Variants in LVRN observed in about 807,000 individuals in gnomAD.
The protein encoded by LVRN is aminopeptidase Q.
A neutral mutation model predicts 111.4 loss-of-function variants in LVRN; 99 were observed. The ratio of observed to expected loss-of-function variants is 0.89; its 90% CI spans 0.76 to 1.05. The LOEUF (loss-of-function observed/expected upper bound fraction) is 1.05, where lower values mean the gene tolerates loss of function less well. LVRN is among the 50% of genes least tolerant of loss of function. The probability of loss-of-function intolerance (pLI) is 0.00; values close to 1 mark genes in which losing one functional copy is unlikely to be tolerated. For synonymous variants in LVRN, 488 were observed against 449.5 expected (o/e 1.09, Z -1.08); for missense variants, 1,414 against 1,206.8 (o/e 1.17, Z -2.54).
chr5:115,986,545 A>C (rs1248830008), intron 3 of LVRN, among the ~76,000 whole-genome samples: 1 of 152,210 alleles, frequency 6.6e-6, no homozygotes. Context: ...GTTTGGCATG[A>C]GTCTATCAGT....
intron 1 of LVRN, among the ~76,000 whole-genome samples, chr5:115,964,205 C>T (rs764973728): frequency 1.3e-5 from 2 of 152,196 alleles, no homozygotes; most frequent in Non-Finnish European, 2.9e-5. Flanking sequence ...TCTTTGTCCA[C>T]TCACACACTG....
chr5:116,014,016 A>G (rs1748544872), intron 15 of LVRN, among the ~76,000 whole-genome samples: 1 of 152,218 alleles, frequency 6.6e-6, no homozygotes, highest in Admixed American at 6.5e-5. Context: ...TTTATAGAGA[A>G]AGAACTTTAT....
chr5:115,990,099 A>G (rs747659848), intron 4 of LVRN, among the ~76,000 whole-genome samples: 2 of 152,170 alleles, frequency 1.3e-5, no homozygotes, highest in Non-Finnish European at 2.9e-5. Context: ...GATTATATGA[A>G]CTGTGTTCAT....
chr5:115,993,938 A>G, intron 6 of LVRN, 84 bp downstream of exon 6: 1 of 673,974 alleles, frequency 1.5e-6, no homozygotes, highest in Non-Finnish European at 2.3e-6. Flanking sequence ...TGTATAAAAT[A>G]CAAGAAAATA....
chr5:115,965,319 T>C (rs1753179637), intron 1 of LVRN, among the ~76,000 whole-genome samples: 1 of 152,052 alleles, frequency 6.6e-6, no homozygotes, highest in South Asian at 2.1e-4. Flanking sequence ...GCTTAATGGG[T>C]ATAGATTTTA....
chr5:115,989,686 C>A (rs1459639516), intron 4 of LVRN, among the ~76,000 whole-genome samples: 2 of 152,044 alleles, frequency 1.3e-5, no homozygotes, highest in Admixed American at 1.3e-4. Context: ...AAATTCTGAC[C>A]AGATTATTAA....
chr5:115,985,086 GCTTGGGT>G (rs1747826829), intron 3 of LVRN, among the ~76,000 whole-genome samples: 2 of 152,164 alleles, frequency 1.3e-5, no homozygotes, highest in Admixed American at 1.3e-4. Context: ...GTGTCTTGAA[GCTTGGGT>G]GATACTCAAA....
chr5:116,026,270 C>T lies in LVRN; in HGVS notation c.*152C>T. On this transcript the variant is annotated 3_prime_UTR_variant, in exon 20 of 20. Coordinates refer to ENST00000357872, the MANE Select transcript of LVRN (RefSeq NM_173800.5). ...CAGAGTGCCATTCTTCTCATATTGT[C>T]ATGTTTGGCCCTGAGGGTGGGTGAT... 2.5e-6 allele frequency: 3 copies of T among 1,201,984 alleles called. No individual in the cohort carries two copies. Among genetic ancestry groups the T allele is most frequent in the Non-Finnish European group, 3.5e-6 (3 of 869,206 alleles). 74.5% of individuals were successfully genotyped at this position (1,201,984 alleles called of 1,614,324 possible).
intron 13 of LVRN, among the ~76,000 whole-genome samples, chr5:116,008,699 C>G (rs117138462): frequency 3.3e-5 from 5 of 152,092 alleles, no homozygotes; most frequent in African/African-American, 1.2e-4. Flanking sequence ...TTCCCTTAAA[C>G]CAAAGCCTAA....
Position 116,026,212 on chromosome 5 carries a change from C to G in LVRN, c.*94C>G. The G allele has an allele frequency of 1.3e-6, 2 of 1,515,442 alleles. No individual in the cohort carries two copies. The highest frequency in any genetic ancestry group is 2.8e-5 in the African/African-American group (2 of 71,672). The allele number at this position is 1,515,442 out of a possible 1,614,324, so 93.9% of individuals were successfully genotyped here. On this transcript the variant is annotated 3_prime_UTR_variant, in exon 20 of 20. Transcript: ENST00000357872. ...TACTTTGTGAGTCTGGAAAACCACACATTTTATTTGTATTTCAGTCACATT... is the reference window on the plus strand; with the variant it reads ...TACTTTGTGAGTCTGGAAAACCACAGATTTTATTTGTATTTCAGTCACATT...
At position 116,000,627 on chromosome 5, in the gene LVRN, A is replaced by G; in HGVS notation, c.1616A>G (p.Glu539Gly). 6.2e-7 allele frequency: 1 copy of G among 1,614,042 alleles called. No homozygotes were observed. The highest frequency in any genetic ancestry group is 1.3e-5 in the African/African-American group (1 of 75,036). ...YLKTFSYSNA[E>G]QDDLWRHFQM... ...AAGACATTTTCCTACTCAAACGCTG[A>G]GCAAGATGATCTATGGAGGCATTTT... The change falls in exon 9 of 20, where the codon GAG becomes GGG. Residue 539 changes from glutamate to glycine, a missense_variant. Transcript: ENST00000357872.
intron 1 of LVRN, among the ~76,000 whole-genome samples, chr5:115,977,385 T>G (rs1372957094): frequency 6.6e-6 from 1 of 152,164 alleles, no homozygotes; most frequent in Non-Finnish European, 1.5e-5. Flanking sequence ...TTGCTTTGCT[T>G]GTTTCTCTTC....
chr5:115,998,914 G>A (rs148633182), intron 6 of LVRN, among the ~76,000 whole-genome samples: 77 of 152,296 alleles, frequency 5.1e-4, no homozygotes, highest in Non-Finnish European at 9.1e-4. Flanking sequence ...AGGGATTGAT[G>A]AGAACATTGG....
At chr5:116,009,920 G>T (rs1405477461) in intron 13 of LVRN, among the ~76,000 whole-genome samples, 1 of 152,132 alleles carries the variant, frequency 6.6e-6, no homozygotes, top group Non-Finnish European at 1.5e-5. Flanking sequence ...ATGTGTGAGG[G>T]GATTGACTCC....
At chr5:116,005,349 G>A (rs1580393973) in intron 12 of LVRN, among the ~76,000 whole-genome samples, 1 of 152,226 alleles carries the variant, frequency 6.6e-6, no homozygotes, top group Non-Finnish European at 1.5e-5. Flanking sequence ...GCCTGGCAAT[G>A]CCAGGGAGTT....
In LVRN at chr5:115,993,683, G is replaced by A. The variant is rs532873623; in HGVS notation, c.1261-58G>A. On this transcript the variant is annotated intron_variant, in intron 5 of 19. Transcript: ENST00000357872. Reference sequence around the variant, plus strand: ...CATTTACTTAACATGCAATTACAACGAATATAACTTAAAAATTAAATTTAA... The same window carrying A: ...CATTTACTTAACATGCAATTACAACAAATATAACTTAAAAATTAAATTTAA... 2.5e-5 allele frequency: 28 copies of A among 1,133,142 alleles called. No individual in the cohort carries two copies. In the African/African-American group the frequency reaches 3.6e-4, roughly 15 times the overall value. The allele number at this position is 1,133,142 out of a possible 1,614,324, so 70.2% of individuals were successfully genotyped here.
intron 13 of LVRN, among the ~76,000 whole-genome samples, chr5:116,008,053 A>C (rs1190120534): frequency 6.6e-6 from 1 of 152,080 alleles, no homozygotes; most frequent in Non-Finnish European, 1.5e-5. Flanking sequence ...AGTACTATTG[A>C]AATTAGGGCC....
chr5:116,007,216 T>A (rs17138642), intron 13 of LVRN, among the ~76,000 whole-genome samples: 17,342 of 152,180 alleles, frequency 0.11, 1,120 homozygotes, highest in East Asian at 0.31. Flanking sequence ...AATTTCATTA[T>A]GCTATTCCAA....
chr5:115,998,444 T>C (rs1359754428), intron 6 of LVRN, among the ~76,000 whole-genome samples: 1 of 152,116 alleles, frequency 6.6e-6, no homozygotes, highest in East Asian at 1.9e-4. Flanking sequence ...GAATAAATAG[T>C]ACATAGGAAA....
Sources: allele counts gnomAD v4.1 joint callset (sites outside exome capture counted in the v4.1 genomes callset), GRCh38; gene constraint gnomAD v4.1.1; transcripts MANE v1.5; gene names NCBI Gene and HGNC (gene_info 2026-07-23, HGNC 2026-07-21).